The following GSAP variants were observed in gnomAD, a reference collection of about 807,000 sequenced individuals.
GSAP encodes gamma-secretase-activating protein.
GSAP carries 118 observed loss-of-function variants against 131.7 expected under a neutral mutation model. The ratio of observed to expected loss-of-function variants is 0.90; its 90% CI spans 0.77 to 1.04. The LOEUF (loss-of-function observed/expected upper bound fraction) is 1.04. Ranked by LOEUF, GSAP falls within the 50% of genes least tolerant of loss-of-function variation. GSAP has a pLI of 0.00. For synonymous variants in GSAP, 381 were observed against 363.4 expected (o/e 1.05, Z -0.55); for missense variants, 1,019 against 1,013.2 (o/e 1.01, Z -0.08).
intron 12 of GSAP, among the ~76,000 whole-genome samples, chr7:77,364,396 T>A (rs1244297093): frequency 1.3e-5 from 2 of 151,696 alleles, no homozygotes; most frequent in Non-Finnish European, 2.9e-5. Flanking sequence ...AAGTAAGATG[T>A]ACATTCTCAG....
chr7:77,350,077 G>C (rs937754792), intron 18 of GSAP, among the ~76,000 whole-genome samples: 2 of 151,874 alleles, frequency 1.3e-5, no homozygotes, highest in Non-Finnish European at 2.9e-5. Flanking sequence ...ACAACACCAT[G>C]GAATACTATG....
In GSAP at chr7:77,356,353, C is replaced by T. The variant is rs370527884; in HGVS notation, c.1028-706G>A. ...AAAATATCAAGCAACACGAATTATT[C>T]CTTAATTTGATAAGCTGGAAATAGC... On this transcript the variant is annotated intron_variant, in intron 14 of 30. Coordinates refer to ENST00000257626, the MANE Select transcript of GSAP (RefSeq NM_017439.4). Among the ~76,000 whole-genome samples the T allele has an allele frequency of 1.1e-3, 175 of 152,252 alleles. 2 individuals are homozygous for T. In the South Asian group the frequency reaches 0.036, roughly 31 times the overall value.
chr7:77,403,174 A>G (rs948925925), intron 3 of GSAP, among the ~76,000 whole-genome samples: 2 of 152,186 alleles, frequency 1.3e-5, no homozygotes, highest in Admixed American at 1.3e-4. Context: ...CACAGAAATT[A>G]AGCTAACAAT....
intron 2 of GSAP, among the ~76,000 whole-genome samples, chr7:77,405,118 A>C (rs1802041609): frequency 6.6e-6 from 1 of 152,236 alleles, no homozygotes; most frequent in Non-Finnish European, 1.5e-5. Context: ...AATTTTCCTT[A>C]GAACACTTGA....
intron 5 of GSAP, among the ~76,000 whole-genome samples, chr7:77,389,682 A>T (rs529890031): frequency 2.6e-5 from 4 of 152,048 alleles, no homozygotes; most frequent in African/African-American, 9.7e-5. Context: ...CCAGTCTATC[A>T]TTGTTGGACA....
At chr7:77,348,167 T>C (rs1018172422) in intron 19 of GSAP, among the ~76,000 whole-genome samples, 11 of 152,014 alleles carry the variant, frequency 7.2e-5, no homozygotes, top group Non-Finnish European at 1.3e-4. Context: ...AGACCCCATC[T>C]CTAAAAATAA....
In GSAP at chr7:77,354,022, C is replaced by T. The variant is rs190682247; in HGVS notation, c.1339-381G>A. Among the ~76,000 whole-genome samples the T allele has an allele frequency of 5.1e-4, 78 of 152,264 alleles. 1 individual carries two copies. The highest frequency in any genetic ancestry group is 1.9e-3 in the African/African-American group (78 of 41,536). ...AGGGCAGCAGAGCTGGGTGTGAATTCCAGCTGGGTCCTGGGTGTGAATACG... is the reference window on the plus strand; with the variant it reads ...AGGGCAGCAGAGCTGGGTGTGAATTTCAGCTGGGTCCTGGGTGTGAATACG... On this transcript the variant is annotated intron_variant, in intron 16 of 30. Coordinates refer to ENST00000257626, the MANE Select transcript of GSAP (RefSeq NM_017439.4).
intron 26 of GSAP, among the ~76,000 whole-genome samples, chr7:77,317,751 T>C (rs192747317): frequency 6.6e-6 from 1 of 152,342 alleles, no homozygotes; most frequent in Admixed American, 6.5e-5. Context: ...ATATCTGTAA[T>C]GAACAAATCT....
chr7:77,404,929 T>A (rs1801997585), intron 2 of GSAP, among the ~76,000 whole-genome samples: 1 of 152,228 alleles, frequency 6.6e-6, no homozygotes, highest in South Asian at 2.1e-4. Flanking sequence ...TAGGGATGAC[T>A]AGGACAAGTC....
intron 11 of GSAP, among the ~76,000 whole-genome samples, chr7:77,374,624 C>G (rs1796583163): frequency 6.7e-6 from 1 of 149,800 alleles, no homozygotes. Flanking sequence ...AAAACCTTGT[C>G]TTTTGTGTAA....
At chr7:77,408,763 T>C (rs1418173097) in intron 1 of GSAP, among the ~76,000 whole-genome samples, 1 of 151,592 alleles carries the variant, frequency 6.6e-6, no homozygotes, top group East Asian at 1.9e-4. Flanking sequence ...ACAGGAATAG[T>C]TTTTACATGT....
intron 1 of GSAP, among the ~76,000 whole-genome samples, chr7:77,408,049 A>G (rs1802606667): frequency 6.6e-6 from 1 of 152,224 alleles, no homozygotes; most frequent in South Asian, 2.1e-4. Context: ...CAACTAATGT[A>G]CAGTGTTAGA....
At chr7:77,394,298 C>T (rs1375529602) in intron 5 of GSAP, among the ~76,000 whole-genome samples, 1 of 152,198 alleles carries the variant, frequency 6.6e-6, no homozygotes, top group Admixed American at 6.5e-5. Context: ...CTTGTTCACT[C>T]CACTCATCTC....
At chr7:77,313,138 C>A (rs17805954) in intron 28 of GSAP, among the ~76,000 whole-genome samples, 37,824 of 152,110 alleles carry the variant, frequency 0.25, 5,183 homozygotes, top group South Asian at 0.35. Flanking sequence ...ACCTGTATTC[C>A]AATGTATCCA....
In GSAP at chr7:77,323,629, A is replaced by G; in HGVS notation, c.1923+18T>C. ...TGGGGTGAAGGGGCATATGAGGAGA[A>G]TAAAAAGCAAGACCAACCAGTTTTG... is the stretch of plus-strand genomic sequence containing the variant. On this transcript the variant is annotated intron_variant, in intron 24 of 30. Coordinates refer to ENST00000257626, the MANE Select transcript of GSAP (RefSeq NM_017439.4). The G allele has an allele frequency of 1.4e-6, 2 of 1,381,926 alleles. No individual in the cohort carries two copies. The highest frequency in any genetic ancestry group is 2.1e-6 in the Non-Finnish European group (2 of 974,394). 85.6% of individuals were successfully genotyped at this position (1,381,926 alleles called of 1,614,324 possible). A position where few individuals can be genotyped will look rare whatever the true frequency, so the allele number is the denominator to read the frequency against.
intron 17 of GSAP, 148 bp from the exon 18 acceptor site, chr7:77,353,174 CT>C (rs1793148367): frequency 1.7e-6 from 1 of 597,748 alleles, no homozygotes. Context: ...ATGATTTTAT[CT>C]ACTGACTAAA....
rs758449284 is a variant in GSAP, at chr7:77,387,406, T to C, written c.410A>G (p.Asn137Ser). Residue 137 changes from asparagine to serine, a missense_variant, in exon 6 of 31, where the codon AAC becomes AGC. By Grantham distance (46) the Asn-to-Ser change is conservative. Transcript: ENST00000257626. ...LTLLVEIHPVNNVKVLKAVDS... is the reference protein window; with the variant it reads ...LTLLVEIHPVSNVKVLKAVDS... ...CACAGCCTTTAGAACCTTCACATTG[T>C]TAACAGGGTGGATTTCAACCAACAA... is the stretch of plus-strand genomic sequence containing the variant. 2.5e-6 allele frequency: 4 copies of C among 1,606,300 alleles called. No individual in the cohort carries two copies. In the African/African-American group the frequency reaches 4.0e-5, roughly 16 times the overall value.
intron 1 of GSAP, among the ~76,000 whole-genome samples, chr7:77,412,224 G>A (rs548019740): frequency 6.6e-6 from 1 of 152,240 alleles, no homozygotes; most frequent in South Asian, 2.1e-4. Context: ...CTCAGAAAAG[G>A]AGACCTACAT....
chr7:77,325,364 G>C (rs1274667027), intron 23 of GSAP, among the ~76,000 whole-genome samples: 1 of 152,036 alleles, frequency 6.6e-6, no homozygotes, highest in South Asian at 2.1e-4. Flanking sequence ...CTAATAAATA[G>C]ATTATCCCAT....
Sources: allele counts gnomAD v4.1 joint callset (sites outside exome capture counted in the v4.1 genomes callset), GRCh38; gene constraint gnomAD v4.1.1; transcripts MANE v1.5; gene names NCBI Gene and HGNC (gene_info 2026-07-23, HGNC 2026-07-21).